The following ZNF90 variants were observed in gnomAD, a reference collection of about 807,000 sequenced individuals.
ZNF90 encodes zinc finger protein HTF9.
Under a neutral mutation model 12.0 loss-of-function variants are expected in ZNF90, and 11 were observed. That is an observed-to-expected ratio of 0.92 (90% CI 0.58 to 1.52). The LOEUF (loss-of-function observed/expected upper bound fraction) is 1.52, where lower values mean the gene tolerates loss of function less well. ZNF90 is among the 40% of genes most tolerant of loss of function. The pLI, the probability that ZNF90 is intolerant of heterozygous loss-of-function variation, is 0.00. For missense variants in ZNF90, 765 were observed against 711.5 expected (o/e 1.08, Z -0.86); for synonymous variants, 232 against 240.1 (o/e 0.97, Z 0.31).
intron 1 of ZNF90, among the ~76,000 whole-genome samples, chr19:20,082,675 G>T (rs1352062550): frequency 6.6e-6 from 1 of 152,180 alleles, no homozygotes; most frequent in African/African-American, 2.4e-5. Context: ...CAGGTATTGT[G>T]CAAGGTTTTT....
At chr19:20,091,524 T>C (rs529758465) in intron 1 of ZNF90, among the ~76,000 whole-genome samples, 2 of 151,832 alleles carry the variant, frequency 1.3e-5, no homozygotes, top group East Asian at 3.9e-4. Flanking sequence ...TAGGTGGGAG[T>C]GACTGAAGCG....
chr19:20,094,771 T>C (rs1283683138), intron 1 of ZNF90, among the ~76,000 whole-genome samples: 2 of 151,156 alleles, frequency 1.3e-5, no homozygotes, highest in African/African-American at 4.8e-5. Flanking sequence ...GAGTTAGACA[T>C]TGGAATTCCT....
intron 1 of ZNF90, among the ~76,000 whole-genome samples, chr19:20,086,641 C>T (rs542973743): frequency 1.3e-5 from 2 of 152,140 alleles, no homozygotes; most frequent in East Asian, 3.9e-4. Flanking sequence ...AATGTTTTAA[C>T]TGAAGTATAG....
At chr19:20,078,824 G>A (rs1032231831) in intron 1 of ZNF90, among the ~76,000 whole-genome samples, 2 of 151,656 alleles carry the variant, frequency 1.3e-5, no homozygotes, top group African/African-American at 2.4e-5. Flanking sequence ...CTGCATTAGG[G>A]CTAATAACCC....
chr19:20,088,195 G>A (rs1045530524), intron 1 of ZNF90, among the ~76,000 whole-genome samples: 2 of 151,804 alleles, frequency 1.3e-5, no homozygotes, highest in Admixed American at 6.6e-5. Flanking sequence ...GTGTTGGGGC[G>A]GCAAAAATTT....
At position 20,118,763 on chromosome 19, in the gene ZNF90, CA is replaced by C. The variant is rs1470238855; in HGVS notation, c.1212del (p.Ala405ProfsTer13). 1 of 1,608,250 alleles carries C rather than the reference CA, an allele frequency of 6.2e-7. No homozygotes were observed. The highest frequency in any genetic ancestry group is 8.5e-7 in the Non-Finnish European group (1 of 1,177,280). On this transcript the variant is annotated frameshift_variant, in exon 4 of 4. Coordinates refer to ENST00000418063, the MANE Select transcript of ZNF90 (RefSeq NM_007138.2). LOFTEE classifies it low-confidence loss of function (END_TRUNC). ...AACCCTACAAATGTGAAGAATGTGG[CA>C]AAGCCTTCAAGCGCTCCTCAACACT... is the stretch of plus-strand genomic sequence containing the variant. The part of the protein sequence containing the change: ...KKPYKCEECG[K>X]AFKRSSTLTI...
rs782451483 is a variant in ZNF90 at position 20,118,660 on chromosome 19, A to G, written c.1106A>G (p.Tyr369Cys). Residue 369 changes from tyrosine to cysteine, a missense_variant, in exon 4 of 4, where the codon TAC becomes TGC. Coordinates refer to ENST00000418063, the MANE Select transcript of ZNF90 (RefSeq NM_007138.2). ...AGAATTCATACTGGAGAGAAACCCT[A>G]CAAGTGTGATAAATGTGGCAAAGCA... The part of the protein sequence containing the change: ...HKRIHTGEKP[Y>C]KCDKCGKAFI... The G allele has an allele frequency of 2.5e-6, 4 of 1,568,800 alleles. No homozygotes were observed. Among genetic ancestry groups the G allele is most frequent in the Non-Finnish European group, 3.5e-6 (4 of 1,157,760 alleles).
chr19:20,111,981 C>T (rs2089093424), intron 3 of ZNF90, among the ~76,000 whole-genome samples: 1 of 151,886 alleles, frequency 6.6e-6, no homozygotes, highest in Admixed American at 6.6e-5. Context: ...TCCTCAGCCT[C>T]CTGTGTAGCT....
rs1255607936 is a variant in ZNF90, at chr19:20,119,905, G to C, written c.*545G>C. On this transcript the variant is annotated 3_prime_UTR_variant, in exon 4 of 4. Transcript: ENST00000418063. ...AGCCACAAGTTCTCAGTTCTTAAGA[G>C]ACATGGTGATAATTCATGCTGAAGA... 1.3e-5 allele frequency among the ~76,000 whole-genome samples: 2 copies of C among 152,174 alleles called. No homozygotes were observed. The highest frequency in any genetic ancestry group is 4.8e-5 in the African/African-American group (2 of 41,434).
chr19:20,078,579 G>A (rs1194543906), intron 1 of ZNF90, among the ~76,000 whole-genome samples: 1 of 151,928 alleles, frequency 6.6e-6, no homozygotes, highest in East Asian at 2.0e-4. Context: ...AGGTCGAGGC[G>A]AGCGGATCAC....
At chr19:20,099,018 C>G (rs148715825) in intron 1 of ZNF90, among the ~76,000 whole-genome samples, 2 of 152,104 alleles carry the variant, frequency 1.3e-5, no homozygotes, top group African/African-American at 4.8e-5. Flanking sequence ...TTAGTCTAGA[C>G]TAGCAACTGG....
In ZNF90 at chr19:20,099,171, A is replaced by G. The variant is rs144656804; in HGVS notation, c.4-5068A>G. Among the ~76,000 whole-genome samples, 608 of 152,018 alleles carry G rather than the reference A, an allele frequency of 4.0e-3. 6 individuals carry two copies. Among genetic ancestry groups the G allele is most frequent in the African/African-American group, 0.014 (581 of 41,418 alleles). ...AGGGCTATTTATGAACAGAAGAAAT[A>G]TTATTATGCTTTTTTTTTTTGAGAT... On this transcript the variant is annotated intron_variant, in intron 1 of 3. Coordinates refer to ENST00000418063, the MANE Select transcript of ZNF90 (RefSeq NM_007138.2).
chr19:20,078,096 G>A lies in ZNF90; in HGVS notation c.-37G>A. On this transcript the variant is annotated 5_prime_UTR_variant, in exon 1 of 4. Transcript: ENST00000418063. The stretch of plus-strand genomic sequence containing the variant: ...GTGGCCCTGTGACCTGCAGGTATTG[G>A]GAGATCCACAGCTGAGGGACCCCCG... 1.2e-6 allele frequency: 2 copies of A among 1,614,088 alleles called. No homozygotes were observed. The highest frequency in any genetic ancestry group is 1.7e-6 in the Non-Finnish European group (2 of 1,179,974).
At position 20,118,336 on chromosome 19, in the gene ZNF90, A is replaced by C. The variant is rs2089160233; in HGVS notation, c.782A>C (p.Asp261Ala). 1 of 1,557,772 alleles carries C rather than the reference A, an allele frequency of 6.4e-7. No homozygotes were observed. Among genetic ancestry groups the C allele is most frequent in the Non-Finnish European group, 8.7e-7 (1 of 1,150,336 alleles). Reference sequence around the variant, plus strand: ...GGAGAGAAACGGTACAAATGTGAAGATTGTGGCAAAGAATTAAAGTATTCC... The same window carrying C: ...GGAGAGAAACGGTACAAATGTGAAGCTTGTGGCAAAGAATTAAAGTATTCC... ...HTGEKRYKCE[D>A]CGKELKYSST... is the part of the protein sequence containing the mutation. The change falls in exon 4 of 4, where the codon GAT becomes GCT. Residue 261 changes from aspartate to alanine, a missense_variant. Transcript: ENST00000418063.
chr19:20,102,972 A>G (rs75916629), intron 1 of ZNF90, among the ~76,000 whole-genome samples: 2,499 of 152,318 alleles, frequency 0.016, 30 homozygotes, highest in Non-Finnish European at 0.027. Flanking sequence ...CTTTATGGTT[A>G]AATTCATATT....
intron 1 of ZNF90, among the ~76,000 whole-genome samples, chr19:20,098,376 C>A (rs2088964784): frequency 6.6e-6 from 1 of 152,242 alleles, no homozygotes; most frequent in Non-Finnish European, 1.5e-5. Context: ...ATTTTCACAT[C>A]TTGTTCATTG....
chr19:20,090,649 TA>T (rs1452270575), intron 1 of ZNF90, among the ~76,000 whole-genome samples: 3 of 152,126 alleles, frequency 2.0e-5, no homozygotes, highest in Non-Finnish European at 4.4e-5. Context: ...CTGGAGTAGG[TA>T]AGAGAAGATT....
In ZNF90 at chr19:20,117,853, T is replaced by G; in HGVS notation, c.299T>G (p.Val100Gly). The change falls in exon 4 of 4, where the codon GTG (valine) becomes GGG (glycine). Residue 100 changes from valine (V) to glycine (G), a missense_variant. Transcript: ENST00000418063. Reference sequence around the variant, plus strand: ...AAAGATTCCTTCCAAAAAGTGATAGTGACAAGATATGAAAAACGTGAATAT... The same window carrying G: ...AAAGATTCCTTCCAAAAAGTGATAGGGACAAGATATGAAAAACGTGAATAT... ...SLKDSFQKVI[V>G]TRYEKREYGN... The G allele has an allele frequency of 2.5e-6, 4 of 1,606,156 alleles. No individual in the cohort carries two copies. The highest frequency in any genetic ancestry group is 3.4e-6 in the Non-Finnish European group (4 of 1,176,490).
intron 1 of ZNF90, among the ~76,000 whole-genome samples, chr19:20,100,708 G>T (rs1416888707): frequency 2.6e-5 from 4 of 152,186 alleles, no homozygotes; most frequent in Non-Finnish European, 5.9e-5. Flanking sequence ...TGAGAGACAG[G>T]ACTAACTGGA....
Sources: gnomAD v4.1 joint callset for allele counts (sites outside exome capture counted in the v4.1 genomes callset) on GRCh38, gnomAD v4.1.1 for gene constraint, MANE v1.5 for transcripts, NCBI Gene and HGNC (gene_info 2026-07-23, HGNC 2026-07-21) for gene names.